DAB1: variants seen among roughly 807,000 people sequenced by gnomAD.
DAB1 encodes the protein disabled homolog 1.
DAB1 carries 15 observed loss-of-function variants against 64.6 expected under a neutral mutation model. That is an observed-to-expected ratio of 0.23 (90% CI 0.16 to 0.36). The LOEUF (loss-of-function observed/expected upper bound fraction) is 0.36, where lower values mean the gene tolerates loss of function less well. DAB1 is among the 10% of genes least tolerant of loss of function. The probability of loss-of-function intolerance (pLI) is 1.00; values close to 1 mark genes in which losing one functional copy is unlikely to be tolerated. For synonymous variants in DAB1, 235 were observed against 251.9 expected (o/e 0.93, Z 0.64); for missense variants, 596 against 706.7 (o/e 0.84, Z 1.78).
chr1:57,792,905 T>C (rs1650671304), intron 6 of DAB1, among the ~76,000 whole-genome samples: 1 of 152,228 alleles, frequency 6.6e-6, no homozygotes, highest in African/African-American at 2.4e-5. Context: ...ATTTGAACCA[T>C]TAACCCTGTG....
intron 2 of DAB1, among the ~76,000 whole-genome samples, chr1:57,283,701 G>C (rs1489110220): frequency 6.6e-6 from 1 of 152,218 alleles, no homozygotes; most frequent in Non-Finnish European, 1.5e-5. Flanking sequence ...AGTCTTCATT[G>C]TAAGGAAGAG....
At chr1:58,494,611 T>A (rs971622565) in intron 3 of DAB1, among the ~76,000 whole-genome samples, 4 of 151,978 alleles carry the variant, frequency 2.6e-5, no homozygotes, top group African/African-American at 9.7e-5. Context: ...GGGTGAAGGA[T>A]ATGAACAGAC....
At chr1:57,515,706 T>C (rs965556182) in intron 7 of DAB1, among the ~76,000 whole-genome samples, 1 of 152,234 alleles carries the variant, frequency 6.6e-6, no homozygotes, top group Non-Finnish European at 1.5e-5. Context: ...CATTGCTCCT[T>C]TGTTCTTTCC....
intron 5 of DAB1, among the ~76,000 whole-genome samples, chr1:58,118,469 C>CTCATAT (rs1652485398): frequency 8.2e-4 from 18 of 22,032 alleles, no homozygotes; most frequent in African/African-American, 4.3e-3. Flanking sequence ...TATCCTAAGG[C>CTCATAT]ATATATATAT....
intron 4 of DAB1, among the ~76,000 whole-genome samples, chr1:58,180,537 C>G (rs1656737734): frequency 6.6e-6 from 1 of 151,940 alleles, no homozygotes; most frequent in Non-Finnish European, 1.5e-5. Context: ...TCAAGCAATC[C>G]TCTCACCTTG....
intron 5 of DAB1, among the ~76,000 whole-genome samples, chr1:58,102,524 C>T (rs180787770): frequency 3.6e-4 from 55 of 152,250 alleles, no homozygotes; most frequent in Non-Finnish European, 7.4e-4. Flanking sequence ...CAGAGATGGT[C>T]AAATGCTATT....
intron 7 of DAB1, among the ~76,000 whole-genome samples, chr1:57,639,733 G>A (rs1054900335): frequency 2.0e-5 from 3 of 152,088 alleles, no homozygotes; most frequent in Non-Finnish European, 4.4e-5. Context: ...AGACAAGGTC[G>A]CTGCCCTCAG....
chr1:58,368,351 A>G (rs1644234662), intron 3 of DAB1, among the ~76,000 whole-genome samples: 1 of 152,142 alleles, frequency 6.6e-6, no homozygotes. Context: ...AAGCGTGGTA[A>G]CCGAGAGTTC....
At chr1:57,549,287 G>T (rs1028006664) in intron 7 of DAB1, among the ~76,000 whole-genome samples, 1 of 152,122 alleles carries the variant, frequency 6.6e-6, no homozygotes, top group Non-Finnish European at 1.5e-5. Flanking sequence ...TATTAGTTTT[G>T]CATCTTCAAT....
At chr1:57,179,773 A>G (rs530279848) in intron 2 of DAB1, among the ~76,000 whole-genome samples, 4 of 152,322 alleles carry the variant, frequency 2.6e-5, no homozygotes, top group South Asian at 4.1e-4. Flanking sequence ...GACAATGATT[A>G]GCTATTGAAT....
intron 4 of DAB1, among the ~76,000 whole-genome samples, chr1:57,075,949 C>T (rs569786216): frequency 6.6e-6 from 1 of 152,248 alleles, no homozygotes; most frequent in East Asian, 1.9e-4. Context: ...GGGGAGAGAA[C>T]TGAGAATGTT....
chr1:57,258,100 G>GT (rs373028404), intron 2 of DAB1, among the ~76,000 whole-genome samples: 9 of 152,124 alleles, frequency 5.9e-5, no homozygotes, highest in African/African-American at 1.9e-4. Flanking sequence ...AAGCACTGGG[G>GT]TTTTTTGGCA....
chr1:58,472,845 C>T (rs1325281141), intron 3 of DAB1, among the ~76,000 whole-genome samples: 1 of 152,112 alleles, frequency 6.6e-6, no homozygotes, highest in Non-Finnish European at 1.5e-5. Context: ...GCTTTGGCTC[C>T]AAAATTTTCC....
At chr1:57,825,852 G>C (rs1420219317), downstream of DAB1, among the ~76,000 whole-genome samples, 1 of 152,070 alleles carries the variant, frequency 6.6e-6, no homozygotes, top group Non-Finnish European at 1.5e-5. Flanking sequence ...ATGAGGAAAG[G>C]GTAAAGAAAC....
At chr1:57,780,882 A>G (rs1422112901) in intron 6 of DAB1, among the ~76,000 whole-genome samples, 1 of 150,684 alleles carries the variant, frequency 6.6e-6, no homozygotes, top group African/African-American at 2.4e-5. Context: ...ACCCTCCACC[A>G]TGCCCAGCTA....
At chr1:57,279,279 C>T (rs982193849) in intron 2 of DAB1, among the ~76,000 whole-genome samples, 2 of 152,162 alleles carry the variant, frequency 1.3e-5, no homozygotes, top group Non-Finnish European at 2.9e-5. Context: ...CCTATGTAAT[C>T]CTGTAGTATA....
chr1:58,043,521 C>G (rs963012175), intron 5 of DAB1, among the ~76,000 whole-genome samples: 1 of 152,214 alleles, frequency 6.6e-6, no homozygotes, highest in African/African-American at 2.4e-5. Flanking sequence ...TCTGACAAAA[C>G]TCTCTTCACC....
At chr1:57,869,986 A>T (rs902029954) in intron 1 of DAB1, among the ~76,000 whole-genome samples, 1 of 152,032 alleles carries the variant, frequency 6.6e-6, no homozygotes, top group South Asian at 2.1e-4. Flanking sequence ...ACTATGTCAA[A>T]CTCTCTCTGA....
intron 4 of DAB1, among the ~76,000 whole-genome samples, chr1:58,169,302 G>A (rs541335331): frequency 2.0e-5 from 3 of 151,764 alleles, no homozygotes; most frequent in Non-Finnish European, 2.9e-5. Context: ...CTGCTGTGTT[G>A]ATGAGCACAA....
Sources: gnomAD v4.1 joint callset for allele counts (sites outside exome capture counted in the v4.1 genomes callset) on GRCh38, gnomAD v4.1.1 for gene constraint, MANE v1.5 for transcripts, NCBI Gene and HGNC (gene_info 2026-07-23, HGNC 2026-07-21) for gene names.